The following DCAF8L2 variants were observed in gnomAD, a reference collection of about 807,000 sequenced individuals.
The protein encoded by DCAF8L2 is DDB1- and CUL4-associated factor 8-like protein 2.
For synonymous variants in DCAF8L2, 200 were observed against 190.9 expected, an observed-to-expected ratio of 1.05 and a Z score of -0.39; for missense variants, 430 against 490.7, an observed-to-expected ratio of 0.88 and a Z score of 1.17.
intron 4 of DCAF8L2, among the ~76,000 whole-genome samples, chrX:27,725,010 A>G (rs1932022245): frequency 9.0e-6 from 1 of 111,532 alleles, no homozygotes; most frequent in Admixed American, 9.6e-5. Context: ...CAGAAAACAA[A>G]TAAAATATAA....
the DCAF8L2 span, among the ~76,000 whole-genome samples, chrX:27,491,799 T>C: frequency 8.9e-6 from 1 of 111,899 alleles, no homozygotes; most frequent in Non-Finnish European, 1.9e-5. Flanking sequence ...ATATCGACTT[T>C]CTACCAAATA....
intron 3 of DCAF8L2, among the ~76,000 whole-genome samples, chrX:27,686,163 A>G (rs1001562554): frequency 1.8e-5 from 2 of 111,306 alleles, no homozygotes; most frequent in Non-Finnish European, 3.8e-5. Flanking sequence ...AGCCATCATG[A>G]AAAACAGCAT....
intron 2 of DCAF8L2, among the ~76,000 whole-genome samples, chrX:27,655,250 C>T (rs907376471): frequency 1.8e-5 from 2 of 112,028 alleles, no homozygotes; most frequent in African/African-American, 6.5e-5. Context: ...TTAAGAGATA[C>T]TAGGAGTACT....
chrX:27,502,334 AAATATATATATATATATATAT>A, the DCAF8L2 span, among the ~76,000 whole-genome samples: 3 of 24,963 alleles, frequency 1.2e-4, no homozygotes, highest in East Asian at 1.7e-3. Flanking sequence ...AAAAAAAAAA[AAATATATATATATATATATAT>A]ATATATATAT....
Position 27,747,138 on chromosome X carries a change from C to T in DCAF8L2, c.243C>T (p.Asp81=), listed in dbSNP as rs1222512142. Reference sequence around the variant, plus strand: ...CAGACCAAGAAAGCGCAAGTGAAGACATCGAACTTGAGAGCTTGGAGGACT... The same window carrying T: ...CAGACCAAGAAAGCGCAAGTGAAGATATCGAACTTGAGAGCTTGGAGGACT... ...RSSDQESASE[D]IELESLEDFE... Residue 81 remains aspartate (D), a synonymous_variant, in exon 5 of 5, where the codon GAC becomes GAT. Coordinates refer to ENST00000451261, the MANE Select transcript of DCAF8L2 (RefSeq NM_001353450.2). 2 of 1,165,529 alleles carry T rather than the reference C, an allele frequency of 1.7e-6. No homozygotes were observed. Among genetic ancestry groups the T allele is most frequent in the Non-Finnish European group, 2.3e-6 (2 of 872,671 alleles).
the DCAF8L2 span, among the ~76,000 whole-genome samples, chrX:27,531,838 T>C: frequency 1.8e-5 from 2 of 111,337 alleles, no homozygotes; most frequent in Non-Finnish European, 3.8e-5. Context: ...TTCAGGGATA[T>C]GTGCTAGGGA....
chrX:27,594,117 C>T (rs1182228804), intron 1 of DCAF8L2, among the ~76,000 whole-genome samples: 2 of 111,883 alleles, frequency 1.8e-5, no homozygotes, highest in East Asian at 2.8e-4. Flanking sequence ...AATGAAACCT[C>T]ATGTGTATCC....
chrX:27,519,731 T>C, the DCAF8L2 span: 2 of 568,708 alleles, frequency 3.5e-6, no homozygotes, highest in South Asian at 2.3e-5. Flanking sequence ...CTTCAGGCAT[T>C]AAGTTCAGAA....
rs760966510 is a variant in DCAF8L2, at chrX:27,719,909, T to G, written c.-59+3738T>G. Among the ~76,000 whole-genome samples, 3 of 110,045 alleles carry G rather than the reference T, an allele frequency of 2.7e-5. No individual in the cohort carries two copies. The South Asian group carries it at 1.1e-3, about 42-fold the overall frequency. ...GTAAAAGAACAAAAGTCTATTTGTG[T>G]TTTTTTTTCTTTTATGGATTATGCT... On this transcript the variant is annotated intron_variant, in intron 4 of 4. Coordinates refer to ENST00000451261, the MANE Select transcript of DCAF8L2 (RefSeq NM_001353450.2).
the DCAF8L2 span, among the ~76,000 whole-genome samples, chrX:27,487,723 C>A: frequency 1.8e-5 from 2 of 112,214 alleles, no homozygotes; most frequent in East Asian, 5.5e-4. Flanking sequence ...TCTCAAAAAT[C>A]TAATTTTTAA....
chrX:27,727,524 C>A (rs752638657), intron 4 of DCAF8L2, among the ~76,000 whole-genome samples: 19 of 111,493 alleles, frequency 1.7e-4, no homozygotes, highest in Non-Finnish European at 3.4e-4. Flanking sequence ...ATTTGTTTGT[C>A]TCTGTATCAA....
In DCAF8L2 at chrX:27,670,402, C is replaced by T. The variant is rs146631922; in HGVS notation, c.-219-7434C>T. The stretch of plus-strand genomic sequence containing the variant: ...AAGCAAAATGCTATGGGGCATTCCC[C>T]TCTATCTCTCATCTCTGCTTGTCTT... On this transcript the variant is annotated intron_variant, in intron 2 of 4. Coordinates refer to ENST00000451261, the MANE Select transcript of DCAF8L2 (RefSeq NM_001353450.2). Among the ~76,000 whole-genome samples, 321 of 110,877 alleles carry T rather than the reference C, an allele frequency of 2.9e-3. 1 individual carries two copies. Among genetic ancestry groups the T allele is most frequent in the African/African-American group, 9.8e-3 (301 of 30,572 alleles).
chrX:27,622,018 A>G (rs1307522627), intron 1 of DCAF8L2, among the ~76,000 whole-genome samples: 2 of 109,758 alleles, frequency 1.8e-5, no homozygotes, highest in African/African-American at 3.3e-5. Context: ...AAAAAAAAAG[A>G]TGTTAGTAAG....
the DCAF8L2 span, among the ~76,000 whole-genome samples, chrX:27,567,303 A>T: frequency 1.8e-5 from 2 of 108,687 alleles, no homozygotes; most frequent in East Asian, 5.8e-4. Context: ...TGGATGTTCT[A>T]TCCCTTATTG....
intron 4 of DCAF8L2, among the ~76,000 whole-genome samples, chrX:27,738,038 A>G (rs972541949): frequency 9.0e-6 from 1 of 111,688 alleles, no homozygotes; most frequent in African/African-American, 3.3e-5. Flanking sequence ...CACCAAGGCA[A>G]TCAGATTAAT....
chrX:27,660,514 A>C (rs1354823024), intron 2 of DCAF8L2, among the ~76,000 whole-genome samples: 1 of 111,319 alleles, frequency 9.0e-6, no homozygotes, highest in African/African-American at 3.3e-5. Context: ...CTTCAGTTGT[A>C]ATTAACATTG....
the DCAF8L2 span, among the ~76,000 whole-genome samples, chrX:27,525,793 T>A: frequency 1.8e-5 from 2 of 111,579 alleles, no homozygotes; most frequent in Non-Finnish European, 3.8e-5. Context: ...TGAAGCTTAG[T>A]TTGGCTGGAT....
chrX:27,659,639 T>A (rs1929482399), intron 2 of DCAF8L2, among the ~76,000 whole-genome samples: 1 of 111,521 alleles, frequency 9.0e-6, no homozygotes, highest in Non-Finnish European at 1.9e-5. Flanking sequence ...TTTTTCCTAT[T>A]TTGTCTAACT....
chrX:27,693,709 T>C (rs1445414572), intron 3 of DCAF8L2, among the ~76,000 whole-genome samples: 1 of 111,710 alleles, frequency 9.0e-6, no homozygotes, highest in African/African-American at 3.3e-5. Context: ...AGTTAAAAAA[T>C]AACAGATACT....
Sources: allele counts gnomAD v4.1 joint callset (sites outside exome capture counted in the v4.1 genomes callset), GRCh38; gene constraint gnomAD v4.1.1; transcripts MANE v1.5; gene names NCBI Gene and HGNC (gene_info 2026-07-23, HGNC 2026-07-21).